Variants in SLC26A3 observed in about 807,000 individuals in gnomAD.
The protein encoded by SLC26A3 is chloride anion exchanger.
A neutral mutation model predicts 85.6 loss-of-function variants in SLC26A3; 64 were observed. The observed-to-expected ratio is 0.75, with a 90% CI of 0.61 to 0.92. The LOEUF (loss-of-function observed/expected upper bound fraction) is 0.92. SLC26A3 is among the 40% of genes least tolerant of loss of function. SLC26A3 has a pLI of 0.00. For missense variants in SLC26A3, 922 were observed against 927.3 expected, an observed-to-expected ratio of 0.99 and a Z score of 0.07; for synonymous variants, 349 against 336.0, an observed-to-expected ratio of 1.04 and a Z score of -0.42.
At chr7:107,786,981 A>G in intron 7 of SLC26A3, 72 bp from the exon 8 acceptor site, 1 of 1,363,988 alleles carries the variant, frequency 7.3e-7, no homozygotes, top group South Asian at 1.2e-5. Flanking sequence ...AGAAAAATAA[A>G]TTGCCAAAAC....
At chr7:107,789,799 T>C in intron 5 of SLC26A3, 111 bp from the exon 6 acceptor site, 2 of 1,156,772 alleles carry the variant, frequency 1.7e-6, no homozygotes, top group Non-Finnish European at 1.2e-6. Flanking sequence ...TCAACCTGTA[T>C]GTACATGCCT....
At chr7:107,795,277 G>A (rs912753734) in intron 1 of SLC26A3, among the ~76,000 whole-genome samples, 1 of 152,162 alleles carries the variant, frequency 6.6e-6, no homozygotes, top group Non-Finnish European at 1.5e-5. Flanking sequence ...AGGTGATTGT[G>A]AAGATTAAAT....
At chr7:107,799,091 G>C (rs1794559264) in intron 1 of SLC26A3, among the ~76,000 whole-genome samples, 1 of 152,202 alleles carries the variant, frequency 6.6e-6, no homozygotes, top group Non-Finnish European at 1.5e-5. Flanking sequence ...CAGAATGGGA[G>C]AGGGCTGGAG....
chr7:107,776,761 AG>A, intron 13 of SLC26A3, 55 bp from the exon 14 acceptor site: 2 of 1,496,684 alleles, frequency 1.3e-6, no homozygotes, highest in Non-Finnish European at 1.9e-6. Flanking sequence ...TAAGCCTATA[AG>A]GCTAACACTG....
rs773081550 is a variant in SLC26A3, at chr7:107,783,247, G to A, written c.1077C>T (p.Ser359=). 18 of 1,614,162 alleles carry A rather than the reference G, an allele frequency of 1.1e-5. No individual in the cohort carries two copies. Among genetic ancestry groups the A allele is most frequent in the African/African-American group, 5.3e-5 (4 of 75,032 alleles). ...VAFAVAFSVA[S]VYSLKYDYPL... ...GATAATCGTATTTGAGGGAATAGAC[G>A]CTGGCAACTGAAAAGGCCACTGCAA... is the stretch of plus-strand genomic sequence containing the variant. The change falls in exon 9 of 21, where the codon AGC becomes AGT. Residue 359 remains serine (S), a synonymous_variant. Transcript: ENST00000340010.
intron 13 of SLC26A3, among the ~76,000 whole-genome samples, chr7:107,777,049 C>T (rs1384360482): frequency 1.3e-5 from 2 of 152,170 alleles, no homozygotes; most frequent in African/African-American, 2.4e-5. Flanking sequence ...AGTAAAATGA[C>T]TTGCTTATGA....
intron 11 of SLC26A3, among the ~76,000 whole-genome samples, chr7:107,780,182 T>C (rs1794194421): frequency 6.6e-6 from 1 of 151,946 alleles, no homozygotes; most frequent in African/African-American, 2.4e-5. Flanking sequence ...AAAAAATAGC[T>C]TGGGAAGCTT....
At chr7:107,801,473 T>C (rs1439254245) in intron 1 of SLC26A3, among the ~76,000 whole-genome samples, 1 of 152,160 alleles carries the variant, frequency 6.6e-6, no homozygotes, top group Non-Finnish European at 1.5e-5. Flanking sequence ...TCCCCTTGCT[T>C]CTCAACAAAG....
At chr7:107,798,719 T>C (rs762920388) in intron 1 of SLC26A3, among the ~76,000 whole-genome samples, 27 of 152,130 alleles carry the variant, frequency 1.8e-4, no homozygotes, top group Non-Finnish European at 4.0e-4. Flanking sequence ...TTCATAGCTG[T>C]TCAAGCTGAG....
intron 4 of SLC26A3, among the ~76,000 whole-genome samples, chr7:107,791,585 C>G (rs1055906066): frequency 6.6e-6 from 1 of 151,924 alleles, no homozygotes; most frequent in African/African-American, 2.4e-5. Context: ...GCACTCCAAC[C>G]TGGGCCACAA....
At chr7:107,784,605 T>A (rs888891160) in intron 8 of SLC26A3, among the ~76,000 whole-genome samples, 1 of 152,206 alleles carries the variant, frequency 6.6e-6, no homozygotes, top group Admixed American at 6.5e-5. Flanking sequence ...CTAATTTTAG[T>A]ATTTTTAGTA....
chr7:107,802,367 A>T (rs1268451862), intron 1 of SLC26A3, among the ~76,000 whole-genome samples: 1 of 152,112 alleles, frequency 6.6e-6, no homozygotes, highest in Non-Finnish European at 1.5e-5. Flanking sequence ...GGCATAGGGC[A>T]TTCTGCTACT....
rs1794374395 is a variant in SLC26A3 at position 107,790,388 on chromosome 7, C to A, written c.570+660G>T. Among the ~76,000 whole-genome samples, 9 of 152,254 alleles carry A rather than the reference C, an allele frequency of 5.9e-5. No homozygotes were observed. The South Asian group carries it at 1.9e-3, about 32-fold the overall frequency. ...CAGAAATGTATTAGAAATAACTAAC[C>A]AAATTGTCAATAAGACGCATGCTTA... On this transcript the variant is annotated intron_variant, in intron 5 of 20. Transcript: ENST00000340010.
At chr7:107,770,047 T>TTTCTTTCTTTCTTTCC in intron 18 of SLC26A3, among the ~76,000 whole-genome samples, 3 of 143,560 alleles carry the variant, frequency 2.1e-5, no homozygotes, top group African/African-American at 7.8e-5. Context: ...TCTTTCTTTC[T>TTTCTTTCTTTCTTTCC]TTCTCTTTTC....
At chr7:107,768,741 A>T (rs1793956872) in intron 18 of SLC26A3, among the ~76,000 whole-genome samples, 1 of 152,190 alleles carries the variant, frequency 6.6e-6, no homozygotes, top group Non-Finnish European at 1.5e-5. Context: ...ATTCTGAGAA[A>T]TTTTCCTCTT....
In SLC26A3 at chr7:107,798,006, G is replaced by A. The variant is rs554874303; in HGVS notation, c.-88-3409C>T. 2.0e-5 allele frequency among the ~76,000 whole-genome samples: 3 copies of A among 152,176 alleles called. No homozygotes were observed. The South Asian group carries it at 6.2e-4, about 32-fold the overall frequency. On this transcript the variant is annotated intron_variant, in intron 1 of 20. Transcript: ENST00000340010. Reference sequence around the variant, plus strand: ...GATCTCTGAGTTCCTTAGGGTGTCAGTGGATTTGGGGATTGAAATTCATTC... The same window carrying A: ...GATCTCTGAGTTCCTTAGGGTGTCAATGGATTTGGGGATTGAAATTCATTC...
rs367754347 is a variant in SLC26A3, at chr7:107,776,442, C to T, written c.1677+10G>A. 1.3e-4 allele frequency: 214 copies of T among 1,605,468 alleles called. 2 individuals are homozygous for T. Among genetic ancestry groups the T allele is most frequent in the Middle Eastern group, 9.9e-4 (6 of 6,060 alleles). On this transcript the variant is annotated intron_variant, in intron 15 of 20. Transcript: ENST00000340010. Reference sequence around the variant, plus strand: ...TACAAGGAAAAAAATTAAATAACCCCAAACCTTACAGCATCGATAAGTTTC... The same window carrying T: ...TACAAGGAAAAAAATTAAATAACCCTAAACCTTACAGCATCGATAAGTTTC...
At chr7:107,802,228 TAAAG>T (rs1454439526) in intron 1 of SLC26A3, among the ~76,000 whole-genome samples, 10 of 152,120 alleles carry the variant, frequency 6.6e-5, no homozygotes, top group East Asian at 1.9e-4. Context: ...CTTGCATATA[TAAAG>T]AAAGTTGTAT....
chr7:107,777,889 C>G (rs1018707897), intron 13 of SLC26A3, among the ~76,000 whole-genome samples: 2 of 152,196 alleles, frequency 1.3e-5, no homozygotes, highest in Non-Finnish European at 2.9e-5. Flanking sequence ...TGGTTTATAG[C>G]TGGGCGAATA....
Sources: gnomAD v4.1 joint callset for allele counts (sites outside exome capture counted in the v4.1 genomes callset) on GRCh38, gnomAD v4.1.1 for gene constraint, MANE v1.5 for transcripts, NCBI Gene and HGNC (gene_info 2026-07-23, HGNC 2026-07-21) for gene names.